Variants in RAI14 observed in about 807,000 individuals in gnomAD.
The protein encoded by RAI14 is ankycorbin.
A neutral mutation model predicts 115.4 loss-of-function variants in RAI14; 45 were observed. That is an observed-to-expected ratio of 0.39 (90% confidence interval 0.31 to 0.50). RAI14 has a LOEUF of 0.50. RAI14 is among the 20% of genes least tolerant of loss of function. The probability of loss-of-function intolerance (pLI) is 0.85; values close to 1 mark genes in which losing one functional copy is unlikely to be tolerated. For missense variants in RAI14, 939 were observed against 1,131.2 expected, an observed-to-expected ratio of 0.83 and a Z score of 2.44; for synonymous variants, 371 against 415.4, an observed-to-expected ratio of 0.89 and a Z score of 1.30.
At chr5:34,770,653 T>A (rs963339282) in intron 3 of RAI14, among the ~76,000 whole-genome samples, 1 of 152,142 alleles carries the variant, frequency 6.6e-6, no homozygotes, top group African/African-American at 2.4e-5. Flanking sequence ...TGGAAGGAAC[T>A]GCAAGGCAAA....
chr5:34,754,919 C>T (rs1449045922), intron 2 of RAI14, among the ~76,000 whole-genome samples: 3 of 152,238 alleles, frequency 2.0e-5, no homozygotes, highest in East Asian at 3.9e-4. Flanking sequence ...TTCATGCGGC[C>T]GTTCCTTTGC....
At chr5:34,688,277 C>T in intron 2 of RAI14, 2 of 1,526,012 alleles carry the variant, frequency 1.3e-6, no homozygotes, top group South Asian at 2.4e-5. Flanking sequence ...TTGCCCAATT[C>T]AGCAGATAGG....
intron 2 of RAI14, among the ~76,000 whole-genome samples, chr5:34,735,903 T>C (rs1406511837): frequency 6.6e-6 from 1 of 152,250 alleles, no homozygotes; most frequent in African/African-American, 2.4e-5. Flanking sequence ...GGTTTTCCTG[T>C]GGTACTCATA....
intron 1 of RAI14, among the ~76,000 whole-genome samples, chr5:34,662,633 A>T (rs909193913): frequency 6.6e-6 from 1 of 150,948 alleles, no homozygotes; most frequent in Non-Finnish European, 1.5e-5. Flanking sequence ...TCAGTATATT[A>T]TGGATCCAGA....
chr5:34,744,229 C>A (rs1416878695), intron 2 of RAI14, among the ~76,000 whole-genome samples: 1 of 152,194 alleles, frequency 6.6e-6, no homozygotes, highest in Non-Finnish European at 1.5e-5. Flanking sequence ...TTGTTACATG[C>A]GTACCTCCCT....
At chr5:34,820,815 A>T (rs779779185) in intron 13 of RAI14, among the ~76,000 whole-genome samples, 10 of 152,224 alleles carry the variant, frequency 6.6e-5, no homozygotes, top group African/African-American at 1.2e-4. Flanking sequence ...CATGATAATC[A>T]GTAGGATGTC....
At chr5:34,742,948 C>T (rs2150051306) in intron 2 of RAI14, among the ~76,000 whole-genome samples, 1 of 152,328 alleles carries the variant, frequency 6.6e-6, no homozygotes, top group East Asian at 1.9e-4. Flanking sequence ...AGGCATGAGC[C>T]ACTGTGCCCA....
At chr5:34,800,318 A>G (rs1259266464) in intron 4 of RAI14, among the ~76,000 whole-genome samples, 1 of 152,220 alleles carries the variant, frequency 6.6e-6, no homozygotes, top group African/African-American at 2.4e-5. Flanking sequence ...AAGACTCTTA[A>G]TTTATAAATA....
chr5:34,829,822 C>G lies in RAI14; in HGVS notation c.2865+25C>G. ...GGTATGGTTATGCCCCTTGAAGTAT[C>G]TGGACATCCTAAAGAAATACGGCAG... On this transcript the variant is annotated intron_variant, in intron 17 of 17. Coordinates refer to ENST00000265109, the MANE Select transcript of RAI14 (RefSeq NM_015577.3). 6.4e-7 allele frequency: 1 copy of G among 1,557,354 alleles called. No individual in the cohort carries two copies.
intron 2 of RAI14, among the ~76,000 whole-genome samples, chr5:34,755,326 C>T (rs1185004139): frequency 2.0e-5 from 3 of 152,138 alleles, no homozygotes; most frequent in Non-Finnish European, 4.4e-5. Context: ...GTAGTAGGAG[C>T]GTGGCTGATG....
chr5:34,706,119 G>C (rs1341698626), intron 2 of RAI14, among the ~76,000 whole-genome samples: 1 of 152,130 alleles, frequency 6.6e-6, no homozygotes, highest in Non-Finnish European at 1.5e-5. Context: ...GGTTTTCCTG[G>C]CATAGGAATG....
At chr5:34,686,679 A>G (rs1458634572) in intron 1 of RAI14, among the ~76,000 whole-genome samples, 193 bp from the exon 2 acceptor site, 1 of 152,202 alleles carries the variant, frequency 6.6e-6, no homozygotes, top group Non-Finnish European at 1.5e-5. Context: ...GTTTTGGTTA[A>G]TTTGAAAATG....
intron 4 of RAI14, among the ~76,000 whole-genome samples, chr5:34,799,526 ACACAC>A (rs1176551185): frequency 1.3e-4 from 16 of 119,532 alleles, no homozygotes; most frequent in African/African-American, 4.6e-4. Flanking sequence ...ACACACACAC[ACACAC>A]ACACACACAA....
chr5:34,815,788 G>A (rs1756160264), intron 12 of RAI14, among the ~76,000 whole-genome samples: 1 of 152,136 alleles, frequency 6.6e-6, no homozygotes, highest in Admixed American at 6.6e-5. Context: ...CACTCAGGGA[G>A]CAGATTTTAA....
At chr5:34,710,970 G>T (rs1014244767) in intron 2 of RAI14, among the ~76,000 whole-genome samples, 1 of 152,128 alleles carries the variant, frequency 6.6e-6, no homozygotes, top group African/African-American at 2.4e-5. Flanking sequence ...TTTGAACTAC[G>T]TTTGACTGAC....
chr5:34,777,796 C>A (rs1751058228), intron 3 of RAI14, among the ~76,000 whole-genome samples: 2 of 150,800 alleles, frequency 1.3e-5, no homozygotes, highest in South Asian at 2.1e-4. Flanking sequence ...CAAAACAAAA[C>A]AAAAAAACCT....
chr5:34,710,168 T>C lies in RAI14; in HGVS notation c.36+23213T>C, dbSNP rs1041292712. ...CGGCTTAGAACAACTGAAGTATACC[T>C]TCTTGGGTCTGGAGGCGAGAAGTCT... On this transcript the variant is annotated intron_variant, in intron 2 of 17. Transcript: ENST00000265109. Among the ~76,000 whole-genome samples the C allele has an allele frequency of 5.9e-5, 9 of 152,300 alleles. No homozygotes were observed. The East Asian group carries it at 1.4e-3, about 23-fold the overall frequency.
In RAI14 at chr5:34,811,161, C is replaced by G. The variant is rs990903780; in HGVS notation, c.557+43C>G. The G allele has an allele frequency of 3.8e-6, 6 of 1,580,936 alleles. No homozygotes were observed. In the East Asian group the frequency reaches 1.3e-4, roughly 35 times the overall value. On this transcript the variant is annotated intron_variant, in intron 8 of 17. Transcript: ENST00000265109. ...AGAAATCATGTGACTTCAGTGATAC[C>G]CACATTCTGAGAGTATTTCAAAATA... is the stretch of plus-strand genomic sequence containing the variant.
intron 2 of RAI14, among the ~76,000 whole-genome samples, chr5:34,709,375 A>G (rs1741120609): frequency 6.6e-6 from 1 of 152,070 alleles, no homozygotes; most frequent in Non-Finnish European, 1.5e-5. Flanking sequence ...TTGAACCTGG[A>G]CGACGGAGGT....
Sources: allele counts gnomAD v4.1 joint callset (sites outside exome capture counted in the v4.1 genomes callset), GRCh38; gene constraint gnomAD v4.1.1; transcripts MANE v1.5; gene names NCBI Gene and HGNC (gene_info 2026-07-23, HGNC 2026-07-21).